Variants in SORL1 observed in about 807,000 individuals in gnomAD.
SORL1 encodes the protein sortilin related receptor 1, also known as sortilin-related receptor.
In SORL1, 127 loss-of-function variants were observed where a neutral mutation model predicts 273.7. The ratio of observed to expected loss-of-function variants is 0.46; its 90% confidence interval spans 0.40 to 0.54. The LOEUF is 0.54. Ranked by LOEUF, SORL1 falls within the 20% of genes least tolerant of loss-of-function variation. The pLI, the probability that SORL1 is intolerant of heterozygous loss-of-function variation, is 0.00. For synonymous variants in SORL1, 1,031 were observed against 1,067.4 expected (o/e 0.97, Z 0.66); for missense variants, 2,494 against 2,846.1 (o/e 0.88, Z 2.81).
At chr11:121,503,220 G>T (rs1013502763) in intron 6 of SORL1, among the ~76,000 whole-genome samples, 12 of 151,876 alleles carry the variant, frequency 7.9e-5, no homozygotes, top group Admixed American at 1.3e-4. Flanking sequence ...TTTGCTGCCT[G>T]TGCTGTTGTT....
chr11:121,472,151 A>G (rs565000595), intron 2 of SORL1, among the ~76,000 whole-genome samples: 4 of 152,300 alleles, frequency 2.6e-5, no homozygotes, highest in Non-Finnish European at 5.9e-5. Flanking sequence ...TCTAGAAAAA[A>G]TAAAACAAAA....
At chr11:121,574,411 T>A in intron 24 of SORL1, 48 bp downstream of exon 24, 1 of 1,580,786 alleles carries the variant, frequency 6.3e-7, no homozygotes, top group Non-Finnish European at 8.7e-7. Flanking sequence ...AGGGGGGTCA[T>A]TGTGCTCCCT....
At chr11:121,621,318 T>C in intron 44 of SORL1, 80 bp downstream of exon 44, 2 of 1,290,312 alleles carry the variant, frequency 1.6e-6, no homozygotes, top group Non-Finnish European at 2.2e-6. Context: ...AGACAGACTT[T>C]TCATTAGGCG....
chr11:121,511,681 A>G (rs1861880399), intron 6 of SORL1, among the ~76,000 whole-genome samples: 1 of 152,264 alleles, frequency 6.6e-6, no homozygotes, highest in Non-Finnish European at 1.5e-5. Flanking sequence ...TCTTTAAAAC[A>G]AACTACTTTT....
chr11:121,581,263 G>C (rs1450417916), intron 25 of SORL1, among the ~76,000 whole-genome samples: 1 of 152,180 alleles, frequency 6.6e-6, no homozygotes, highest in Admixed American at 6.5e-5. Flanking sequence ...TACTTTCCCT[G>C]TTATACTACT....
chr11:121,624,953 A>G, intron 45 of SORL1, 132 bp from the exon 46 acceptor site: 2 of 604,200 alleles, frequency 3.3e-6, no homozygotes, highest in Non-Finnish European at 5.8e-6. Flanking sequence ...TAAAAAGAAC[A>G]AGGAGAAACC....
chr11:121,611,411 C>T (rs1863562092), intron 39 of SORL1: 1 of 349,308 alleles, frequency 2.9e-6, no homozygotes, highest in South Asian at 5.1e-5. Flanking sequence ...TTAAATGGTT[C>T]ACAGCTACAG....
intron 23 of SORL1, among the ~76,000 whole-genome samples, chr11:121,572,131 C>T (rs1199725805): frequency 6.6e-6 from 1 of 152,186 alleles, no homozygotes; most frequent in African/African-American, 2.4e-5. Context: ...GACCTCATAT[C>T]CAAGAGTGAG....
At position 121,550,010 on chromosome 11, in the gene SORL1, C is replaced by T. The variant is rs1256563705; in HGVS notation, c.2102C>T (p.Pro701Leu). 4 of 1,613,676 alleles carry T rather than the reference C, an allele frequency of 2.5e-6. No individual in the cohort carries two copies. The African/African-American group carries it at 5.3e-5, about 22-fold the overall frequency. ...GATTTGTCATTAGAGGTTTGTGTTC[C>T]AGATCCGGAATTTTCTGGAAAGTCA... ...SEDLSLEVCV[P>L]DPEFSGKSYS... Residue 701 changes from proline (P) to leucine (L), a missense_variant, in exon 15 of 48, where the codon CCA (proline) becomes CTA (leucine). Physicochemically the swap from Pro to Leu is moderately conservative, Grantham distance 98. Transcript: ENST00000260197. The surrounding 1 kb of genome is among the most constrained non-coding windows in gnomAD (Gnocchi z 5.3).
At chr11:121,497,586 A>G (rs1861651885) in intron 6 of SORL1, among the ~76,000 whole-genome samples, 1 of 152,228 alleles carries the variant, frequency 6.6e-6, no homozygotes, top group African/African-American at 2.4e-5. Flanking sequence ...GCCTTTGGGA[A>G]AATCTTCCCC....
At chr11:121,519,420 T>C (rs540314718) in intron 8 of SORL1, among the ~76,000 whole-genome samples, 7 of 151,892 alleles carry the variant, frequency 4.6e-5, no homozygotes, top group Non-Finnish European at 8.8e-5. Flanking sequence ...CTCTTTTTTT[T>C]TTTTTGAGAC....
chr11:121,629,683 A>C lies in SORL1; in HGVS notation c.*120A>C, dbSNP rs12287461. 1 of 600,218 alleles carries C rather than the reference A, an allele frequency of 1.7e-6. No homozygotes were observed. Among genetic ancestry groups the C allele is most frequent in the South Asian group, 2.1e-5 (1 of 48,668 alleles). The allele number at this position is 600,218 out of a possible 1,614,324, so 37.2% of individuals were successfully genotyped here. ...TATGTTATTTTTATATGGGCCAAAA[A>C]CAAAAAACAAAAAAAAAAAAAAGGA... On this transcript the variant is annotated 3_prime_UTR_variant, in exon 48 of 48. Coordinates refer to ENST00000260197, the MANE Select transcript of SORL1 (RefSeq NM_003105.6).
chr11:121,525,014 A>G (rs1862100602), intron 11 of SORL1, among the ~76,000 whole-genome samples: 1 of 152,222 alleles, frequency 6.6e-6, no homozygotes, highest in Non-Finnish European at 1.5e-5. Flanking sequence ...GCACATATTT[A>G]AAGTGTACAG....
rs890655351 is a variant in SORL1, at chr11:121,605,025, C to G, written c.4652-88C>G. The G allele has an allele frequency of 1.8e-5, 21 of 1,148,928 alleles. No individual in the cohort carries two copies. The Admixed American group carries it at 5.0e-4, about 28-fold the overall frequency. The allele number at this position is 1,148,928 out of a possible 1,614,324, so 71.2% of individuals were successfully genotyped here. A position where few individuals can be genotyped will look rare whatever the true frequency, so the allele number is the denominator to read the frequency against. On this transcript the variant is annotated intron_variant, in intron 33 of 47. Transcript: ENST00000260197. ...AGCTCAGGCAATTTGCCCGCCTCGG[C>G]CTCCCAAAGTGCTAGGATTACAGGC...
chr11:121,503,045 T>C (rs1186698111), intron 6 of SORL1, among the ~76,000 whole-genome samples: 1 of 152,028 alleles, frequency 6.6e-6, no homozygotes, highest in African/African-American at 2.4e-5. Flanking sequence ...AATTTTTTTA[T>C]TTTTTGTAGA....
chr11:121,631,149 T>C lies in SORL1; in HGVS notation c.*1586T>C, dbSNP rs2134962401. On this transcript the variant is annotated 3_prime_UTR_variant, in exon 48 of 48. Transcript: ENST00000260197. Reference sequence around the variant, plus strand: ...CAAGTATCATTCTTGGGTGATAATATAGTTTCATTCTACTTAGGGATTGTT... The same window carrying C: ...CAAGTATCATTCTTGGGTGATAATACAGTTTCATTCTACTTAGGGATTGTT... 6.6e-6 allele frequency: 1 copy of C among 152,512 alleles called. No homozygotes were observed. The highest frequency in any genetic ancestry group is 2.1e-4 in the South Asian group (1 of 4,826). The allele number at this position is 152,512 out of a possible 1,614,324, so 9.4% of individuals were successfully genotyped here. A position where few individuals can be genotyped will look rare whatever the true frequency, so the allele number is the denominator to read the frequency against.
intron 45 of SORL1, among the ~76,000 whole-genome samples, chr11:121,624,876 C>A (rs1040666393): frequency 2.0e-5 from 3 of 151,930 alleles, no homozygotes; most frequent in African/African-American, 4.8e-5. Context: ...GGTGGTGTGG[C>A]AGTTATTTGA....
At chr11:121,487,939 T>C in intron 3 of SORL1, 93 bp from the exon 4 acceptor site, 2 of 1,336,590 alleles carry the variant, frequency 1.5e-6, no homozygotes, top group Middle Eastern at 1.9e-4. Context: ...CCCCTGCACA[T>C]GTGTGTACTC....
intron 12 of SORL1, among the ~76,000 whole-genome samples, chr11:121,543,250 C>A (rs1862374834): frequency 6.6e-6 from 1 of 151,598 alleles, no homozygotes; most frequent in African/African-American, 2.4e-5. Context: ...CTTTTAGTAT[C>A]ATTAGAGACC....
Sources: gnomAD v4.1 joint callset for allele counts (sites outside exome capture counted in the v4.1 genomes callset) on GRCh38, gnomAD v4.1.1 for gene constraint, Gnocchi (gnomAD v3.1) non-coding constraint, MANE v1.5 for transcripts, NCBI Gene and HGNC (gene_info 2026-07-23, HGNC 2026-07-21) for gene names.